Variants in DOCK4 observed in about 807,000 individuals in gnomAD.
DOCK4 encodes the protein dedicator of cytokinesis 4, also known as dedicator of cytokinesis protein 4.
A neutral mutation model predicts 268.1 loss-of-function variants in DOCK4; 97 were observed. The ratio of observed to expected loss-of-function variants is 0.36; its 90% confidence interval spans 0.31 to 0.43. The LOEUF is 0.43. DOCK4 is among the 20% of genes least tolerant of loss of function. The probability of loss-of-function intolerance (pLI) is 1.00; values close to 1 mark genes in which losing one functional copy is unlikely to be tolerated. For missense variants in DOCK4, 2,145 were observed against 2,455.7 expected (o/e 0.87, Z 2.67); for synonymous variants, 954 against 887.2 (o/e 1.08, Z -1.34).
intron 47 of DOCK4, chr7:111,739,685 C>T: frequency 3.5e-6 from 2 of 567,294 alleles, no homozygotes; most frequent in Non-Finnish European, 6.3e-6. Flanking sequence ...AAAGGAATGC[C>T]TTCGTGTTAG....
chr7:111,933,298 A>ATATATATATATATTTT (rs1554380830), intron 12 of DOCK4, among the ~76,000 whole-genome samples: 1 of 74,840 alleles, frequency 1.3e-5, no homozygotes, highest in African/African-American at 6.6e-5. Context: ...ATATATATAT[A>ATATATATATATATTTT]TTTTTTTTTT....
At chr7:112,123,415 A>G (rs138585793) in intron 1 of DOCK4, among the ~76,000 whole-genome samples, 237 of 152,342 alleles carry the variant, frequency 1.6e-3, no homozygotes, top group Non-Finnish European at 2.6e-3. Flanking sequence ...AATTTAACAT[A>G]TATCACAAAA....
At chr7:112,165,587 G>A (rs1817547490) in intron 1 of DOCK4, among the ~76,000 whole-genome samples, 1 of 148,770 alleles carries the variant, frequency 6.7e-6, no homozygotes. Context: ...CCATTTCTTT[G>A]GACACTTAGG....
intron 11 of DOCK4, among the ~76,000 whole-genome samples, chr7:111,939,384 G>A (rs949603408): frequency 2.6e-5 from 4 of 151,330 alleles, no homozygotes; most frequent in African/African-American, 2.4e-5. Flanking sequence ...GTGTGGTGGC[G>A]GGCGCCTGTA....
chr7:112,083,633 G>A lies in DOCK4; in HGVS notation c.38-79502C>T, dbSNP rs113750931. ...AAAACAAAGCTTCACTCCCCAGAAG[G>A]CCTTAAAATCTTCATGTAGAATTTA... On this transcript the variant is annotated intron_variant, in intron 1 of 52. Transcript: ENST00000428084. Among the ~76,000 whole-genome samples, 501 of 152,084 alleles carry A rather than the reference G, an allele frequency of 3.3e-3. 2 individuals are homozygous for A. Among genetic ancestry groups the A allele is most frequent in the African/African-American group, 0.011 (477 of 41,494 alleles).
At chr7:111,789,011 T>C (rs1799357840) in intron 31 of DOCK4, 1 of 502,380 alleles carries the variant, frequency 2.0e-6, no homozygotes, top group Non-Finnish European at 3.6e-6. Context: ...ACACAAATGC[T>C]TGCAGCCCAG....
intron 7 of DOCK4, among the ~76,000 whole-genome samples, chr7:111,982,925 T>C (rs1206171986): frequency 6.6e-6 from 1 of 152,246 alleles, no homozygotes; most frequent in Non-Finnish European, 1.5e-5. Flanking sequence ...ATACGGATTA[T>C]ATTTGTTATG....
chr7:112,008,929 G>T (rs1028056509), intron 1 of DOCK4, among the ~76,000 whole-genome samples: 1 of 152,162 alleles, frequency 6.6e-6, no homozygotes. Context: ...GGAGGCGGAG[G>T]TTGCAGTGAG....
intron 1 of DOCK4, among the ~76,000 whole-genome samples, chr7:112,021,225 A>G (rs1160805499): frequency 1.3e-5 from 2 of 152,234 alleles, no homozygotes; most frequent in Non-Finnish European, 2.9e-5. Flanking sequence ...GCTTTAGCAC[A>G]CTTCGGCAAA....
chr7:111,946,471 TA>T (rs1168559619), intron 8 of DOCK4, among the ~76,000 whole-genome samples: 1 of 152,168 alleles, frequency 6.6e-6, no homozygotes, highest in Non-Finnish European at 1.5e-5. Context: ...ACCTCTCACC[TA>T]TATAACCAAA....
At chr7:111,891,017 T>C (rs1306165802) in intron 16 of DOCK4, among the ~76,000 whole-genome samples, 2 of 152,156 alleles carry the variant, frequency 1.3e-5, no homozygotes, top group East Asian at 3.8e-4. Context: ...CAGAACATGG[T>C]TTATAAAAAT....
chr7:111,732,198 TAGCCTCAGTCGAA>T lies in DOCK4; in HGVS notation c.5481+15_5481+27del. ...AGAAAAAGAAAACTGGGCCAGTCTCTAGCCTCAGTCGAAAGAAGGGCCTTTACCTTCAATGGAG... is the reference window on the plus strand; with the variant it reads ...AGAAAAAGAAAACTGGGCCAGTCTCTAGAAGGGCCTTTACCTTCAATGGAG... On this transcript the variant is annotated intron_variant, in intron 52 of 52. Transcript: ENST00000428084. 1 of 1,611,918 alleles carries T rather than the reference TAGCCTCAGTCGAA, an allele frequency of 6.2e-7. No individual in the cohort carries two copies. The highest frequency in any genetic ancestry group is 2.2e-5 in the East Asian group (1 of 44,874).
intron 12 of DOCK4, among the ~76,000 whole-genome samples, chr7:111,928,285 A>T (rs998785472): frequency 1.3e-5 from 2 of 152,218 alleles, no homozygotes; most frequent in African/African-American, 4.8e-5. Flanking sequence ...TTACTGAAAT[A>T]CTTCCATATT....
At chr7:112,044,217 C>T (rs1488002399) in intron 1 of DOCK4, among the ~76,000 whole-genome samples, 3 of 152,086 alleles carry the variant, frequency 2.0e-5, no homozygotes, top group Admixed American at 2.0e-4. Flanking sequence ...TGCCTTATAC[C>T]ATTGCTTACT....
chr7:112,047,795 G>A (rs112739576), intron 1 of DOCK4, among the ~76,000 whole-genome samples: 1 of 152,104 alleles, frequency 6.6e-6, no homozygotes, highest in African/African-American at 2.4e-5. Context: ...TGGGCTCGAG[G>A]GATCCTCCTG....
intron 17 of DOCK4, 100 bp from the exon 18 acceptor site, chr7:111,872,664 T>A (rs1442817735): frequency 9.6e-6 from 9 of 932,726 alleles, no homozygotes; most frequent in Non-Finnish European, 1.4e-5. Flanking sequence ...CACATGTGGC[T>A]CCCCTCTCCT....
chr7:111,896,177 G>T (rs1448196818), intron 15 of DOCK4, among the ~76,000 whole-genome samples: 1 of 152,086 alleles, frequency 6.6e-6, no homozygotes, highest in Non-Finnish European at 1.5e-5. Flanking sequence ...CTCTACCCTG[G>T]TCCATGACAG....
At chr7:112,052,862 G>A (rs1805483449) in intron 1 of DOCK4, among the ~76,000 whole-genome samples, 1 of 151,986 alleles carries the variant, frequency 6.6e-6, no homozygotes, top group Non-Finnish European at 1.5e-5. Flanking sequence ...TAAGGCCCAA[G>A]GAAAGTTGAA....
chr7:111,936,214 T>C (rs954821692), intron 11 of DOCK4, among the ~76,000 whole-genome samples: 6 of 152,230 alleles, frequency 3.9e-5, no homozygotes, highest in Non-Finnish European at 5.9e-5. Flanking sequence ...ACACAGCTTG[T>C]ACTGGCAAAA....
Sources: gnomAD v4.1 joint callset for allele counts (sites outside exome capture counted in the v4.1 genomes callset) on GRCh38, gnomAD v4.1.1 for gene constraint, MANE v1.5 for transcripts, NCBI Gene and HGNC (gene_info 2026-07-23, HGNC 2026-07-21) for gene names.